The following FRMD3 variants were observed in gnomAD, a reference collection of about 807,000 sequenced individuals.
The protein encoded by FRMD3 is FERM domain containing 3, also known as FERM domain-containing protein 3.
A neutral mutation model predicts 70.2 loss-of-function variants in FRMD3; 33 were observed. The ratio of observed to expected loss-of-function variants is 0.47; its 90% CI spans 0.36 to 0.63. FRMD3 has a LOEUF of 0.63. FRMD3 is among the 20% of genes least tolerant of loss of function. The probability of loss-of-function intolerance (pLI) is 0.00; values close to 1 mark genes in which losing one functional copy is unlikely to be tolerated. For synonymous variants in FRMD3, 279 were observed against 255.9 expected, an observed-to-expected ratio of 1.09 and a Z score of -0.86; for missense variants, 632 against 711.4, an observed-to-expected ratio of 0.89 and a Z score of 1.27.
rs144993853 is a variant in FRMD3 at position 83,253,105 on chromosome 9, T to C, written c.1196-4589A>G. 7.9e-3 allele frequency among the ~76,000 whole-genome samples: 1,205 copies of C among 152,266 alleles called. 9 individuals are homozygous for C. The highest frequency in any genetic ancestry group is 0.027 in the African/African-American group (1,140 of 41,552). ...TTGCCACATGAGACTTACTCTAAAA[T>C]TGATCACATAATTGGAAGTAAAACA... is the stretch of plus-strand genomic sequence containing the variant. On this transcript the variant is annotated intron_variant, in intron 13 of 13. Coordinates refer to ENST00000304195, the MANE Select transcript of FRMD3 (RefSeq NM_174938.6).
intron 13 of FRMD3, among the ~76,000 whole-genome samples, chr9:83,273,377 T>C (rs1205129531): frequency 1.6e-4 from 24 of 150,788 alleles, no homozygotes; most frequent in Admixed American, 6.6e-5. Context: ...CACTCAGGGT[T>C]AAATGGATTA....
chr9:83,563,207 C>T, the FRMD3 span, among the ~76,000 whole-genome samples: 1 of 152,120 alleles, frequency 6.6e-6, no homozygotes, highest in African/African-American at 2.4e-5. Flanking sequence ...GCCCCCTACC[C>T]CTACACCTCC....
intron 1 of FRMD3, among the ~76,000 whole-genome samples, chr9:83,515,997 A>AC (rs1829446774): frequency 1.3e-5 from 2 of 151,616 alleles, no homozygotes; most frequent in African/African-American, 4.8e-5. Context: ...AAAAACCGAT[A>AC]CCAGCCACTA....
chr9:83,319,988 G>A (rs181537160), intron 6 of FRMD3, among the ~76,000 whole-genome samples: 4 of 152,200 alleles, frequency 2.6e-5, no homozygotes, highest in East Asian at 1.9e-4. Context: ...TAATACTACC[G>A]ATTTCTGCAT....
intron 12 of FRMD3, among the ~76,000 whole-genome samples, chr9:83,292,383 A>G (rs1834460286): frequency 6.6e-6 from 1 of 152,024 alleles, no homozygotes; most frequent in Non-Finnish European, 1.5e-5. Context: ...GATGGTCTTC[A>G]TCTTCTGACC....
At chr9:83,260,948 G>C (rs947998227) in intron 13 of FRMD3, among the ~76,000 whole-genome samples, 2 of 152,050 alleles carry the variant, frequency 1.3e-5, no homozygotes, top group African/African-American at 4.8e-5. Flanking sequence ...CCAGATGAGA[G>C]TTTTTACTTT....
chr9:83,552,056 T>C, the FRMD3 span, among the ~76,000 whole-genome samples: 15 of 152,314 alleles, frequency 9.8e-5, no homozygotes, highest in Middle Eastern at 6.8e-3. Context: ...CTTTCAGTTG[T>C]GAGGTTAGGT....
intron 2 of FRMD3, among the ~76,000 whole-genome samples, chr9:83,375,786 G>A (rs1422207140): frequency 6.6e-6 from 1 of 152,152 alleles, no homozygotes; most frequent in Admixed American, 6.6e-5. Flanking sequence ...TAATACCTGT[G>A]TGATGAAATA....
At position 83,245,628 on chromosome 9, in the gene FRMD3, A is replaced by G. The variant is rs1439966292; in HGVS notation, c.*2290T>C. The G allele has an allele frequency of 1.9e-5, 15 of 807,794 alleles. No individual in the cohort carries two copies. Among genetic ancestry groups the G allele is most frequent in the African/African-American group, 1.9e-5 (1 of 53,952 alleles). 50.0% of individuals were successfully genotyped at this position (807,794 alleles called of 1,614,324 possible). A position where few individuals can be genotyped will look rare whatever the true frequency, so the allele number is the denominator to read the frequency against. ...TATCATATTTTTTAAGTATTTTACA[A>G]TGGAAAATATATTAGTTCCATAATT... On this transcript the variant is annotated 3_prime_UTR_variant, in exon 14 of 14. Coordinates refer to ENST00000304195, the MANE Select transcript of FRMD3 (RefSeq NM_174938.6).
At chr9:83,423,989 T>C (rs148583938) in intron 1 of FRMD3, among the ~76,000 whole-genome samples, 51 of 152,290 alleles carry the variant, frequency 3.3e-4, no homozygotes, top group Middle Eastern at 6.8e-3. Flanking sequence ...TCACAGAAAG[T>C]TCTATCGGAC....
the FRMD3 span, among the ~76,000 whole-genome samples, chr9:83,584,829 G>A: frequency 1.3e-5 from 2 of 152,152 alleles, no homozygotes; most frequent in Admixed American, 6.5e-5. Flanking sequence ...TGTCTGATCC[G>A]TGAAATGGAT....
At chr9:83,461,665 C>CTTTTTTTTTTTTTT (rs200147815) in intron 1 of FRMD3, among the ~76,000 whole-genome samples, 1 of 70,696 alleles carries the variant, frequency 1.4e-5, no homozygotes, top group East Asian at 3.7e-4. Flanking sequence ...AGGAATTTCC[C>CTTTTTTTTTTTTTT]TTTTTTTTTT....
At chr9:83,431,605 TCTC>T (rs1419885037) in intron 1 of FRMD3, among the ~76,000 whole-genome samples, 1 of 152,210 alleles carries the variant, frequency 6.6e-6, no homozygotes, top group Admixed American at 6.5e-5. Flanking sequence ...ACATTTGACT[TCTC>T]TGCTATTTTA....
the FRMD3 span, among the ~76,000 whole-genome samples, chr9:83,547,041 A>G: frequency 6.6e-6 from 1 of 151,804 alleles, no homozygotes; most frequent in African/African-American, 2.4e-5. Flanking sequence ...GCAAATGGAA[A>G]TCAAAAGCAG....
Position 83,244,755 on chromosome 9 carries a change from T to A in FRMD3, c.*3163A>T, listed in dbSNP as rs1822380595. ...CAATCACAGTAACATGGCCCCCATA[T>A]CTCTAGTATTTCAATGAAATAAACT... On this transcript the variant is annotated 3_prime_UTR_variant, in exon 14 of 14. Transcript: ENST00000304195. The A allele has an allele frequency of 1.0e-6, 1 of 985,306 alleles. No individual in the cohort carries two copies. Among genetic ancestry groups the A allele is most frequent in the African/African-American group, 1.7e-5 (1 of 57,356 alleles). The allele number at this position is 985,306 out of a possible 1,614,324, so 61.0% of individuals were successfully genotyped here.
At chr9:83,473,146 G>A (rs12000033) in intron 1 of FRMD3, among the ~76,000 whole-genome samples, 17,587 of 151,974 alleles carry the variant, frequency 0.12, 1,393 homozygotes, top group African/African-American at 0.22. Context: ...AACTCAACCT[G>A]GCTACTGGCA....
chr9:83,466,842 C>T (rs555800852), intron 1 of FRMD3, among the ~76,000 whole-genome samples: 3 of 152,186 alleles, frequency 2.0e-5, no homozygotes, highest in Admixed American at 6.5e-5. Flanking sequence ...TCCAGTTGCT[C>T]GGTAAGTAAG....
chr9:83,491,618 A>G (rs545583971), intron 1 of FRMD3, among the ~76,000 whole-genome samples: 1 of 152,034 alleles, frequency 6.6e-6, no homozygotes, highest in East Asian at 1.9e-4. Flanking sequence ...CACATCAGCA[A>G]CTCCACAGGT....
At chr9:83,363,361 C>T (rs770500926) in intron 3 of FRMD3, among the ~76,000 whole-genome samples, 5 of 152,142 alleles carry the variant, frequency 3.3e-5, no homozygotes, top group African/African-American at 7.2e-5. Context: ...TAATACATGT[C>T]TGCCTGTTTT....
Sources: gnomAD v4.1 joint callset for allele counts (sites outside exome capture counted in the v4.1 genomes callset) on GRCh38, gnomAD v4.1.1 for gene constraint, MANE v1.5 for transcripts, NCBI Gene and HGNC (gene_info 2026-07-23, HGNC 2026-07-21) for gene names.